The following PTPRG variants were observed in gnomAD, a reference collection of about 807,000 sequenced individuals.
The protein encoded by PTPRG is receptor-type tyrosine-protein phosphatase gamma.
Under a neutral mutation model 165.3 loss-of-function variants are expected in PTPRG, and 102 were observed. The ratio of observed to expected loss-of-function variants is 0.62; its 90% CI spans 0.53 to 0.73. The LOEUF is 0.73. Ranked by LOEUF, PTPRG falls within the 30% of genes least tolerant of loss-of-function variation. PTPRG has a pLI of 0.00. For missense variants in PTPRG, 1,866 were observed against 1,861.4 expected (o/e 1.00, Z -0.05); for synonymous variants, 675 against 669.5 (o/e 1.01, Z -0.13).
At position 61,928,084 on chromosome 3, in the gene PTPRG, A is replaced by G. The variant is rs114920058; in HGVS notation, c.191-61541A>G. ...TTAGCCTGATGATGGATTATGCACT[A>G]TTTCTCTTCTGCTATAAGGGGTATG... On this transcript the variant is annotated intron_variant, in intron 2 of 29. Coordinates refer to ENST00000474889, the MANE Select transcript of PTPRG (RefSeq NM_002841.4). 5.9e-3 allele frequency among the ~76,000 whole-genome samples: 899 copies of G among 152,210 alleles called. 11 individuals are homozygous for G. Among genetic ancestry groups the G allele is most frequent in the African/African-American group, 0.02 (851 of 41,538 alleles).
Position 61,895,894 on chromosome 3 carries a change from G to A in PTPRG, c.191-93731G>A, listed in dbSNP as rs140783351. On this transcript the variant is annotated intron_variant, in intron 2 of 29. Transcript: ENST00000474889. ...ATTTAAATTTTTATTCAGATTGTAG[G>A]TTCACATACAGTTGTAAAAAATAAT... Among the ~76,000 whole-genome samples, 1,154 of 152,104 alleles carry A rather than the reference G, an allele frequency of 7.6e-3. 11 individuals carry two copies. Among genetic ancestry groups the A allele is most frequent in the African/African-American group, 0.026 (1,059 of 41,496 alleles).
At chr3:61,682,149 CAAAAAA>C (rs35398190) in intron 1 of PTPRG, among the ~76,000 whole-genome samples, 1 of 96,784 alleles carries the variant, frequency 1.0e-5, no homozygotes, top group African/African-American at 4.1e-5. Flanking sequence ...ACTCCTGTCT[CAAAAAA>C]AAAAAAAAAA....
In PTPRG at chr3:61,611,284, C is replaced by T. The variant is rs184635000; in HGVS notation, c.85+48912C>T. On this transcript the variant is annotated intron_variant, in intron 1 of 29. Coordinates refer to ENST00000474889, the MANE Select transcript of PTPRG (RefSeq NM_002841.4). ...CTTCTTGTGGGTTCAGTCTCCTTACCTGGAATAAGGTGAATAACCATCCCT... is the reference window on the plus strand; with the variant it reads ...CTTCTTGTGGGTTCAGTCTCCTTACTTGGAATAAGGTGAATAACCATCCCT... Among the ~76,000 whole-genome samples the T allele has an allele frequency of 4.9e-3, 743 of 152,256 alleles. 5 individuals carry two copies. The highest frequency in any genetic ancestry group is 8.1e-3 in the South Asian group (39 of 4,818).
intron 2 of PTPRG, among the ~76,000 whole-genome samples, chr3:61,813,091 G>A (rs1289385243): frequency 6.6e-6 from 1 of 152,062 alleles, no homozygotes; most frequent in East Asian, 1.9e-4. Flanking sequence ...AGGTGAGTGA[G>A]GTAGAACATA....
chr3:62,000,782 G>A (rs1213689199), intron 3 of PTPRG, among the ~76,000 whole-genome samples: 3 of 152,144 alleles, frequency 2.0e-5, no homozygotes, highest in Non-Finnish European at 2.9e-5. Context: ...AGTCTTCCGT[G>A]CTGTCCAGGA....
intron 28 of PTPRG, among the ~76,000 whole-genome samples, chr3:62,292,022 TA>T (rs1012148550): frequency 4.6e-5 from 7 of 151,868 alleles, no homozygotes; most frequent in South Asian, 2.1e-4. Context: ...TTGGAATTGT[TA>T]AAAAAAAATT....
intron 2 of PTPRG, among the ~76,000 whole-genome samples, chr3:61,763,891 A>T (rs1340604766): frequency 1.3e-5 from 2 of 152,118 alleles, no homozygotes; most frequent in Non-Finnish European, 2.9e-5. Flanking sequence ...TTTAAATTTA[A>T]ATTAATTAAA....
At chr3:61,627,809 TAGTG>T (rs1701653810) in intron 1 of PTPRG, among the ~76,000 whole-genome samples, 1 of 152,186 alleles carries the variant, frequency 6.6e-6, no homozygotes, top group Non-Finnish European at 1.5e-5. Context: ...AAGAATCAAG[TAGTG>T]AGAGAACTTG....
chr3:62,145,141 A>G (rs1341353828), intron 6 of PTPRG, among the ~76,000 whole-genome samples: 1 of 152,220 alleles, frequency 6.6e-6, no homozygotes, highest in Admixed American at 6.5e-5. Flanking sequence ...GGAGAGACAG[A>G]CACTATTGCG....
chr3:62,180,156 C>T (rs1321374944), intron 8 of PTPRG, among the ~76,000 whole-genome samples: 1 of 152,134 alleles, frequency 6.6e-6, no homozygotes, highest in Non-Finnish European at 1.5e-5. Context: ...CTATAAAATC[C>T]CAGCTAAAGC....
chr3:61,630,334 C>G (rs1277958973), intron 1 of PTPRG, among the ~76,000 whole-genome samples: 1 of 152,132 alleles, frequency 6.6e-6, no homozygotes, highest in Non-Finnish European at 1.5e-5. Context: ...TTAACAAATA[C>G]CACTGTTCTG....
intron 8 of PTPRG, among the ~76,000 whole-genome samples, chr3:62,175,033 C>T (rs912269442): frequency 1.3e-5 from 2 of 152,156 alleles, no homozygotes; most frequent in African/African-American, 4.8e-5. Context: ...ACCCTTGGAA[C>T]ATCCTAGGCT....
chr3:62,069,684 T>TCTCTCTCTCTCTCTCTCTCTCTCACACA (rs542306888), intron 4 of PTPRG, among the ~76,000 whole-genome samples: 1 of 145,066 alleles, frequency 6.9e-6, no homozygotes, highest in African/African-American at 2.6e-5. Context: ...TCTCTCTCTC[T>TCTCTCTCTCTCTCTCTCTCTCTCACACA]CACACACAGA....
In PTPRG at chr3:62,233,204, CACAGCT is replaced by C. The variant is rs1280245774; in HGVS notation, c.2375+1897_2375+1902del. Among the ~76,000 whole-genome samples the C allele has an allele frequency of 1.3e-5, 2 of 152,188 alleles. No homozygotes were observed. Among genetic ancestry groups the C allele is most frequent in the Non-Finnish European group, 2.9e-5 (2 of 68,038 alleles). On this transcript the variant is annotated intron_variant, in intron 14 of 29. Transcript: ENST00000474889. This position sits in a 1 kb window ranked among gnomAD's most constrained non-coding sequence, Gnocchi z 4.7. ...GTGAATCCTGAGCAGTACCCCCTCT[CACAGCT>C]ACATGTGCTATGCTAAGTACTCCAT...
intron 1 of PTPRG, among the ~76,000 whole-genome samples, chr3:61,715,375 T>C (rs932437424): frequency 5.9e-5 from 9 of 151,878 alleles, no homozygotes; most frequent in Non-Finnish European, 8.8e-5. Flanking sequence ...TGCCACCACA[T>C]CTGGCTGATT....
intron 3 of PTPRG, among the ~76,000 whole-genome samples, chr3:61,998,147 T>A (rs1006304660): frequency 7.2e-5 from 11 of 152,228 alleles, no homozygotes; most frequent in Admixed American, 5.9e-4. Context: ...AGTTGGGGGA[T>A]GTCCTGCAAA....
chr3:61,806,749 A>G (rs2035430664), intron 2 of PTPRG, among the ~76,000 whole-genome samples: 1 of 152,238 alleles, frequency 6.6e-6, no homozygotes, highest in African/African-American at 2.4e-5. Context: ...TACTGAAATA[A>G]GAGTTTTGCC....
chr3:62,180,418 C>T (rs908174057), intron 8 of PTPRG, among the ~76,000 whole-genome samples: 1 of 152,196 alleles, frequency 6.6e-6, no homozygotes, highest in African/African-American at 2.4e-5. Context: ...CCCACCCTAG[C>T]TCCGCAGCCA....
chr3:61,942,064 T>C (rs1346297709), intron 2 of PTPRG, among the ~76,000 whole-genome samples: 6 of 150,456 alleles, frequency 4.0e-5, no homozygotes, highest in Non-Finnish European at 7.4e-5. Context: ...GAGGCTGAGA[T>C]AGGAGAGTCA....
Sources: gnomAD v4.1 joint callset for allele counts (sites outside exome capture counted in the v4.1 genomes callset) on GRCh38, gnomAD v4.1.1 for gene constraint, Gnocchi (gnomAD v3.1) non-coding constraint, MANE v1.5 for transcripts, NCBI Gene and HGNC (gene_info 2026-07-23, HGNC 2026-07-21) for gene names.